The following RBFOX1 variants were observed in gnomAD, a reference collection of about 807,000 sequenced individuals.
The protein encoded by RBFOX1 is RNA binding fox-1 homolog 1.
In RBFOX1, 8 loss-of-function variants were observed where a neutral mutation model predicts 57.7. The observed-to-expected ratio is 0.14, with a 90% CI of 0.08 to 0.25. RBFOX1 has a LOEUF of 0.25. RBFOX1 is among the 10% of genes least tolerant of loss of function. RBFOX1 has a pLI of 1.00. For missense variants in RBFOX1, 611 were observed against 548.5 expected, an observed-to-expected ratio of 1.11 and a Z score of -1.14; for synonymous variants, 326 against 222.4, an observed-to-expected ratio of 1.47 and a Z score of -4.15.
intron 3 of RBFOX1, among the ~76,000 whole-genome samples, chr16:7,004,819 A>G (rs2093156497): frequency 6.6e-6 from 1 of 152,162 alleles, no homozygotes; most frequent in South Asian, 2.1e-4. Context: ...TGGCTGGGTC[A>G]GCTGTTGGAA....
intron 14 of RBFOX1, among the ~76,000 whole-genome samples, chr16:7,708,274 T>G (rs1032971481): frequency 7.9e-5 from 12 of 152,182 alleles, no homozygotes; most frequent in Non-Finnish European, 1.6e-4. Context: ...TCCAGATATT[T>G]AGTAGGCATT....
intron 1 of RBFOX1, among the ~76,000 whole-genome samples, chr16:6,154,141 T>G (rs1390481288): frequency 1.3e-5 from 2 of 152,196 alleles, no homozygotes; most frequent in Non-Finnish European, 2.9e-5. Flanking sequence ...CGCTGACGCT[T>G]ACTAAGCCTG....
intron 4 of RBFOX1, among the ~76,000 whole-genome samples, chr16:7,131,407 C>T (rs906455380): frequency 1.4e-5 from 2 of 140,412 alleles, no homozygotes; most frequent in African/African-American, 2.7e-5. Context: ...TAGTCAGTGC[C>T]TACTTATGTT....
Position 6,801,645 on chromosome 16 carries a change from AG to A in RBFOX1, c.-16+146997del, listed in dbSNP as rs376007750. 1.6e-4 allele frequency among the ~76,000 whole-genome samples: 25 copies of A among 152,040 alleles called. No individual in the cohort carries two copies. In the East Asian group the frequency reaches 4.7e-3, roughly 28 times the overall value. On this transcript the variant is annotated intron_variant, in intron 3 of 15. Coordinates refer to ENST00000550418, the MANE Select transcript of RBFOX1 (RefSeq NM_018723.4). ...CAGGAGACAGCTAATTGGGCAGGAA[AG>A]GTGTTTCTGGACCAAACTGAGGGTC...
At chr16:6,234,809 A>AGTT (rs1302391756) in intron 1 of RBFOX1, among the ~76,000 whole-genome samples, 1 of 143,470 alleles carries the variant, frequency 7.0e-6, no homozygotes, top group Non-Finnish European at 1.6e-5. Flanking sequence ...CGCATGAACT[A>AGTT]CACACAGACA....
chr16:7,038,797 C>G (rs1037432465), intron 3 of RBFOX1, among the ~76,000 whole-genome samples: 12 of 152,130 alleles, frequency 7.9e-5, no homozygotes, highest in Admixed American at 7.9e-4. Context: ...TGGGGGACTT[C>G]TTTTGTTGAT....
chr16:7,094,573 T>G (rs1273578692), intron 4 of RBFOX1, among the ~76,000 whole-genome samples: 2 of 152,116 alleles, frequency 1.3e-5, no homozygotes, highest in African/African-American at 4.8e-5. Flanking sequence ...AAATCCTGTG[T>G]ATTGGGAAAC....
In RBFOX1 at chr16:5,455,021, TTCTCTCTCTCTG is replaced by T. The variant is rs1270987962; in HGVS notation, c.220-12191_220-12180del. ...TTTCTTTCTTTCTTTCTTTCTTTCTTTCTCTCTCTCTGTCTGTCTCTCTTTCTTTCTTTCTCT... is the reference window on the plus strand; with the variant it reads ...TTTCTTTCTTTCTTTCTTTCTTTCTTTCTGTCTCTCTTTCTTTCTTTCTCT... On this transcript the variant is annotated intron_variant, in intron 1 of 2. Coordinates refer to the RBFOX1 transcript ENST00000585867. 6.4e-4 allele frequency among the ~76,000 whole-genome samples: 72 copies of T among 113,178 alleles called. 1 individual carries two copies. Among genetic ancestry groups the T allele is most frequent in the East Asian group, 1.6e-3 (6 of 3,648 alleles). The allele number at this position is 113,178 out of a possible 152,430, so 74.2% of individuals were successfully genotyped here.
intron 1 of RBFOX1, among the ~76,000 whole-genome samples, chr16:6,198,772 A>G (rs960296313): frequency 1.1e-4 from 16 of 152,146 alleles, no homozygotes; most frequent in Non-Finnish European, 1.2e-4. Context: ...GTCTAGTATT[A>G]ATATAGCCTG....
intron 4 of RBFOX1, among the ~76,000 whole-genome samples, chr16:5,959,576 A>C (rs540370800): frequency 3.3e-5 from 5 of 152,232 alleles, no homozygotes; most frequent in Non-Finnish European, 5.9e-5. Flanking sequence ...TAAGTTTCTG[A>C]TGAAGGAAAA....
chr16:7,341,588 C>T (rs781693486), intron 4 of RBFOX1, among the ~76,000 whole-genome samples: 1 of 152,130 alleles, frequency 6.6e-6, no homozygotes, highest in Non-Finnish European at 1.5e-5. Context: ...TGTCAGTGGT[C>T]TGACACTCAA....
intron 2 of RBFOX1, among the ~76,000 whole-genome samples, chr16:5,504,223 T>A (rs553608044): frequency 3.7e-4 from 56 of 152,304 alleles, no homozygotes; most frequent in African/African-American, 1.3e-3. Context: ...GTCACCTGAT[T>A]ATTCCTACCC....
At chr16:6,647,653 AG>A (rs903326780) in intron 2 of RBFOX1, among the ~76,000 whole-genome samples, 1 of 152,174 alleles carries the variant, frequency 6.6e-6, no homozygotes, top group Non-Finnish European at 1.5e-5. Context: ...TATGAATTTT[AG>A]GGGGGACACA....
intron 2 of RBFOX1, among the ~76,000 whole-genome samples, chr16:5,506,901 C>A (rs1268306093): frequency 6.6e-6 from 1 of 152,130 alleles, no homozygotes; most frequent in Non-Finnish European, 1.5e-5. Flanking sequence ...CCCCCTCCAC[C>A]CACTCCAATC....
chr16:5,720,125 G>A (rs1437743769), intron 3 of RBFOX1, among the ~76,000 whole-genome samples: 3 of 152,162 alleles, frequency 2.0e-5, no homozygotes, highest in African/African-American at 4.8e-5. Context: ...TAGTGAGTGT[G>A]AAGTAGTATC....
chr16:6,605,641 G>C (rs1029292947), intron 2 of RBFOX1, among the ~76,000 whole-genome samples: 2 of 152,152 alleles, frequency 1.3e-5, no homozygotes, highest in Non-Finnish European at 2.9e-5. Context: ...CTTAATACTC[G>C]TTCATTGTTC....
intron 2 of RBFOX1, among the ~76,000 whole-genome samples, chr16:6,590,060 G>T (rs2153986855): frequency 6.6e-6 from 1 of 152,308 alleles, no homozygotes; most frequent in African/African-American, 2.4e-5. Flanking sequence ...AAAGGAAAGA[G>T]AAAAGATAAC....
At chr16:5,362,991 A>G (rs1257373678) in intron 1 of RBFOX1, among the ~76,000 whole-genome samples, 1 of 149,510 alleles carries the variant, frequency 6.7e-6, no homozygotes, top group African/African-American at 2.5e-5. Flanking sequence ...CGTAGTAAAC[A>G]TGGGAGTGCA....
chr16:5,735,820 G>C (rs1249639064), intron 3 of RBFOX1, among the ~76,000 whole-genome samples: 1 of 152,088 alleles, frequency 6.6e-6, no homozygotes, highest in Non-Finnish European at 1.5e-5. Flanking sequence ...AGGTTGCAGT[G>C]AGCCAAGATG....
Sources: allele counts gnomAD v4.1 joint callset (sites outside exome capture counted in the v4.1 genomes callset), GRCh38; gene constraint gnomAD v4.1.1; transcripts MANE v1.5; gene names NCBI Gene and HGNC (gene_info 2026-07-23, HGNC 2026-07-21).